Variants in SCARB1 observed in about 807,000 individuals in gnomAD.
SCARB1 encodes the protein scavenger receptor class B member 1.
SCARB1 carries 30 observed loss-of-function variants against 57.2 expected under a neutral mutation model. The ratio of observed to expected loss-of-function variants is 0.52; its 90% CI spans 0.39 to 0.71. SCARB1 has a LOEUF of 0.71. Among genes scored for constraint, SCARB1 ranks in the 30% least tolerant of loss-of-function variants. The probability of loss-of-function intolerance (pLI) is 0.00; values close to 1 mark genes in which losing one functional copy is unlikely to be tolerated. For missense variants in SCARB1, 543 were observed against 671.2 expected (o/e 0.81, Z 2.11); for synonymous variants, 249 against 268.3 (o/e 0.93, Z 0.70).
At chr12:124,811,634 G>C (rs1950530691) in intron 5 of SCARB1, among the ~76,000 whole-genome samples, 1 of 152,106 alleles carries the variant, frequency 6.6e-6, no homozygotes, top group Non-Finnish European at 1.5e-5. Context: ...CCCAGCAGAT[G>C]CCAGGTGCTC....
intron 12 of SCARB1, among the ~76,000 whole-genome samples, chr12:124,780,840 A>ACTGACCAGGCC (rs1380613488): frequency 6.6e-6 from 1 of 152,128 alleles, no homozygotes; most frequent in African/African-American, 2.4e-5. Flanking sequence ...CCTGCTCTAC[A>ACTGACCAGGCC]CTGACCAGGC....
At chr12:124,845,884 CG>C (rs2135806605) in intron 1 of SCARB1, among the ~76,000 whole-genome samples, 1 of 151,212 alleles carries the variant, frequency 6.6e-6, no homozygotes, top group African/African-American at 2.4e-5. Flanking sequence ...TGGTGACAGG[CG>C]CCTGTAGTCC....
At chr12:124,803,994 C>T (rs1272696449) in intron 7 of SCARB1, among the ~76,000 whole-genome samples, 2 of 152,246 alleles carry the variant, frequency 1.3e-5, no homozygotes, top group African/African-American at 4.8e-5. Context: ...GGACACACCT[C>T]GTCCCACGCC....
intron 6 of SCARB1, among the ~76,000 whole-genome samples, chr12:124,808,790 G>C (rs1295879678): frequency 1.3e-5 from 2 of 151,876 alleles, no homozygotes; most frequent in Non-Finnish European, 2.9e-5. Context: ...AAATTGGGAT[G>C]CAAGTATAAA....
chr12:124,815,925 G>T (rs767254655), intron 2 of SCARB1, among the ~76,000 whole-genome samples: 2 of 151,702 alleles, frequency 1.3e-5, no homozygotes, highest in Non-Finnish European at 1.5e-5. Context: ...TTTGCATGCA[G>T]GTTAAAATCA....
At chr12:124,819,979 CAAGA>C (rs1487798269) in intron 1 of SCARB1, among the ~76,000 whole-genome samples, 1 of 152,192 alleles carries the variant, frequency 6.6e-6, no homozygotes, top group Non-Finnish European at 1.5e-5. Context: ...AATTCTTTGT[CAAGA>C]AACTGGAAGA....
chr12:124,797,935 G>A (rs777518041), intron 8 of SCARB1, among the ~76,000 whole-genome samples: 12 of 152,206 alleles, frequency 7.9e-5, no homozygotes, highest in Non-Finnish European at 1.0e-4. Flanking sequence ...AACTACCATC[G>A]GATCAGTGAT....
chr12:124,831,106 G>T (rs1951371691), intron 1 of SCARB1, among the ~76,000 whole-genome samples: 5 of 152,090 alleles, frequency 3.3e-5, no homozygotes, highest in Admixed American at 3.3e-4. Context: ...CCCCCAAGTA[G>T]CTGGGATTAC....
At chr12:124,786,676 T>A (rs1321441915) in intron 10 of SCARB1, among the ~76,000 whole-genome samples, 173 bp from the exon 11 acceptor site, 2 of 152,204 alleles carry the variant, frequency 1.3e-5, no homozygotes, top group Non-Finnish European at 2.9e-5. Context: ...GGACACAAGG[T>A]GAGACTACAA....
intron 1 of SCARB1, among the ~76,000 whole-genome samples, chr12:124,853,639 C>G (rs578169585): frequency 8.5e-5 from 13 of 152,276 alleles, no homozygotes; most frequent in African/African-American, 2.6e-4. Context: ...AGGTGACCCA[C>G]CCACTTCGGC....
rs1408399463 is a variant in SCARB1 at position 124,822,982 on chromosome 12, T to G, written c.127-5275A>C. Among the ~76,000 whole-genome samples the G allele has an allele frequency of 6.6e-6, 1 of 152,206 alleles. No individual in the cohort carries two copies. Among genetic ancestry groups the G allele is most frequent in the East Asian group, 1.9e-4 (1 of 5,200 alleles). On this transcript the variant is annotated intron_variant, in intron 1 of 12. Transcript: ENST00000261693. This position sits in a 1 kb window ranked among gnomAD's most constrained non-coding sequence, Gnocchi z 5.0. Reference sequence around the variant, plus strand: ...TTTTAAGTAAAAAAAAATTTAAAAATGAATACTATTACTACCTTTAAAATA... The same window carrying G: ...TTTTAAGTAAAAAAAAATTTAAAAAGGAATACTATTACTACCTTTAAAATA...
At chr12:124,795,301 ACCC>A (rs1357273490) in intron 8 of SCARB1, 33 bp from the exon 9 acceptor site, 1 of 1,568,272 alleles carries the variant, frequency 6.4e-7, no homozygotes, top group Middle Eastern at 1.7e-4. Flanking sequence ...GAGACTGGCC[ACCC>A]CCAAGCTCCA....
intron 7 of SCARB1, among the ~76,000 whole-genome samples, chr12:124,801,159 A>T (rs55673134): frequency 0.043 from 6,543 of 152,286 alleles, 305 homozygotes; most frequent in African/African-American, 0.11. Context: ...TGACCGTGCC[A>T]CTGCACTCCA....
At chr12:124,779,342 C>CATACACAGCATACAAA (rs764100851) in intron 12 of SCARB1, among the ~76,000 whole-genome samples, 13 of 152,328 alleles carry the variant, frequency 8.5e-5, no homozygotes, top group Non-Finnish European at 1.0e-4. Flanking sequence ...CAGCAATACA[C>CATACACAGCATACAAA]GCAGCAGGAT....
chr12:124,793,269 A>G (rs1949795817), intron 9 of SCARB1, among the ~76,000 whole-genome samples: 1 of 152,176 alleles, frequency 6.6e-6, no homozygotes, highest in Non-Finnish European at 1.5e-5. Context: ...TATTTCAGAT[A>G]TGCTAAGAAG....
intron 7 of SCARB1, among the ~76,000 whole-genome samples, chr12:124,805,682 C>G (rs1485843797): frequency 2.0e-5 from 3 of 151,626 alleles, no homozygotes. Context: ...CCCCAGCTTT[C>G]CACGTAGCTA....
Position 124,810,366 on chromosome 12 carries a change from T to A in SCARB1, c.727-77A>T. On this transcript the variant is annotated intron_variant, in intron 5 of 12. Coordinates refer to ENST00000261693, the MANE Select transcript of SCARB1 (RefSeq NM_005505.5). The surrounding 1 kb of genome is among the most constrained non-coding windows in gnomAD (Gnocchi z 4.0). ...TAAGCCCTCTCAGGTGCTGCACACC[T>A]AACTCACCCTGGTGCACGCACGGCC... 2 of 998,968 alleles carry A rather than the reference T, an allele frequency of 2.0e-6. No homozygotes were observed. Among genetic ancestry groups the A allele is most frequent in the Non-Finnish European group, 3.2e-6 (2 of 625,174 alleles). The allele number at this position is 998,968 out of a possible 1,614,324, so 61.9% of individuals were successfully genotyped here. A position where few individuals can be genotyped will look rare whatever the true frequency, so the allele number is the denominator to read the frequency against.
Position 124,807,987 on chromosome 12 carries a change from T to G in SCARB1, c.843-60A>C. ...AGACCCGGCGGCCAGAGCCAGGCCC[T>G]GCCAAAGGCTGCCCAGATCCAGCCA... On this transcript the variant is annotated intron_variant, in intron 6 of 12. Coordinates refer to ENST00000261693, the MANE Select transcript of SCARB1 (RefSeq NM_005505.5). This position sits in a 1 kb window ranked among gnomAD's most constrained non-coding sequence, Gnocchi z 5.3. The G allele has an allele frequency of 6.5e-7, 1 of 1,540,356 alleles. No homozygotes were observed. The highest frequency in any genetic ancestry group is 9.0e-7 in the Non-Finnish European group (1 of 1,115,480).
At chr12:124,808,929 A>G (rs1239664265) in intron 6 of SCARB1, among the ~76,000 whole-genome samples, 2 of 152,174 alleles carry the variant, frequency 1.3e-5, no homozygotes, top group Non-Finnish European at 2.9e-5. Flanking sequence ...TAATTTCACC[A>G]ATTTCTTGTT....
Sources: gnomAD v4.1 joint callset for allele counts (sites outside exome capture counted in the v4.1 genomes callset) on GRCh38, gnomAD v4.1.1 for gene constraint, Gnocchi (gnomAD v3.1) non-coding constraint, MANE v1.5 for transcripts, NCBI Gene and HGNC (gene_info 2026-07-23, HGNC 2026-07-21) for gene names.